The following NUSAP1 variants were observed in gnomAD, a reference collection of about 807,000 sequenced individuals.
The protein encoded by NUSAP1 is nucleolar and spindle-associated protein 1.
A neutral mutation model predicts 52.8 loss-of-function variants in NUSAP1; 32 were observed. The observed-to-expected ratio is 0.61, with a 90% CI of 0.46 to 0.81. NUSAP1 has a LOEUF of 0.81. Among genes scored for constraint, NUSAP1 ranks in the 40% least tolerant of loss-of-function variants. The pLI is 0.00. For synonymous variants in NUSAP1, 195 were observed against 183.1 expected (o/e 1.06, Z -0.52); for missense variants, 499 against 522.3 (o/e 0.96, Z 0.43).
chr15:41,353,798 C>A (rs1050335869), intron 4 of NUSAP1, among the ~76,000 whole-genome samples: 4 of 152,062 alleles, frequency 2.6e-5, no homozygotes, highest in African/African-American at 7.2e-5. Flanking sequence ...TGGTTTAACC[C>A]GCTACCTGTC....
At chr15:41,358,470 C>A (rs2049051469) in intron 6 of NUSAP1, among the ~76,000 whole-genome samples, 1 of 152,210 alleles carries the variant, frequency 6.6e-6, no homozygotes, top group South Asian at 2.1e-4. Flanking sequence ...AGCGCAGTGG[C>A]TCATGCCTGT....
At position 41,349,084 on chromosome 15, in the gene NUSAP1, A is replaced by G; in HGVS notation, c.163-14A>G. On this transcript the variant is annotated splice_polypyrimidine_tract_variant and intron_variant, in intron 2 of 10. Coordinates refer to ENST00000559596, the MANE Select transcript of NUSAP1 (RefSeq NM_016359.5). ...TAGACATAGCACATAGCAGATTAAT[A>G]CCTCTCTTTTCAGGATGAAAGTCAA... is the stretch of plus-strand genomic sequence containing the variant. 18 of 1,612,238 alleles carry G rather than the reference A, an allele frequency of 1.1e-5. No homozygotes were observed. Among genetic ancestry groups the G allele is most frequent in the Non-Finnish European group, 1.5e-5 (18 of 1,178,534 alleles).
chr15:41,336,654 T>TTGTTTTTTTTTTTTTGTTTG (rs1555426231), intron 1 of NUSAP1, among the ~76,000 whole-genome samples: 4 of 143,626 alleles, frequency 2.8e-5, no homozygotes, highest in Non-Finnish European at 6.1e-5. Flanking sequence ...TTTGGTTTTT[T>TTGTTTTTTTTTTTTTGTTTG]TTTTTTTTTT....
intron 2 of NUSAP1, among the ~76,000 whole-genome samples, chr15:41,347,964 T>G (rs2048642255): frequency 6.6e-6 from 1 of 151,358 alleles, no homozygotes; most frequent in African/African-American, 2.4e-5. Context: ...TTCTACAAAA[T>G]TAAAACAATT....
chr15:41,371,313 C>T (rs1394206548), intron 7 of NUSAP1, among the ~76,000 whole-genome samples: 1 of 152,162 alleles, frequency 6.6e-6, no homozygotes, highest in African/African-American at 2.4e-5. Context: ...AAGACAAGAA[C>T]ATATTTTACA....
chr15:41,364,762 G>C (rs756122749), intron 6 of NUSAP1, among the ~76,000 whole-genome samples: 1 of 152,060 alleles, frequency 6.6e-6, no homozygotes, highest in African/African-American at 2.4e-5. Flanking sequence ...CAGCTACTCA[G>C]AAGGCTAAGG....
rs149131418 is a variant in NUSAP1 at position 41,363,596 on chromosome 15, C to T, written c.661-1806C>T. On this transcript the variant is annotated intron_variant, in intron 6 of 10. Transcript: ENST00000559596. The stretch of plus-strand genomic sequence containing the variant: ...CTATGTTGTCCAGGCTGGTCTCAAA[C>T]TCCTAGGCTCAAGCGGTCCCCCCTC... Among the ~76,000 whole-genome samples, 5 of 152,196 alleles carry T rather than the reference C, an allele frequency of 3.3e-5. No homozygotes were observed. In the East Asian group the frequency reaches 9.7e-4, roughly 29 times the overall value.
At chr15:41,376,689 TA>T (rs1359108426) in intron 9 of NUSAP1, among the ~76,000 whole-genome samples, 1 of 150,816 alleles carries the variant, frequency 6.6e-6, no homozygotes, top group East Asian at 1.9e-4. Flanking sequence ...AGACTCTGTC[TA>T]AAAAATTTAA....
intron 6 of NUSAP1, among the ~76,000 whole-genome samples, chr15:41,360,954 C>T (rs1340851925): frequency 6.6e-6 from 1 of 152,068 alleles, no homozygotes; most frequent in Admixed American, 6.6e-5. Flanking sequence ...ATTACCTGGC[C>T]ATGGTGGTGG....
intron 4 of NUSAP1, among the ~76,000 whole-genome samples, chr15:41,353,021 G>A (rs2048834359): frequency 6.6e-6 from 1 of 152,126 alleles, no homozygotes; most frequent in African/African-American, 2.4e-5. Flanking sequence ...TTTTCCTATG[G>A]CTAGTCACGT....
chr15:41,368,794 G>A (rs1364367635), intron 7 of NUSAP1, among the ~76,000 whole-genome samples: 12 of 130,956 alleles, frequency 9.2e-5, no homozygotes, highest in South Asian at 2.5e-4. Context: ...GTGTGGTGGC[G>A]CAATCTCGGC....
intron 5 of NUSAP1, 46 bp from the exon 6 acceptor site, chr15:41,358,102 TA>T: frequency 1.2e-6 from 1 of 840,616 alleles, no homozygotes; most frequent in Non-Finnish European, 1.9e-6. Context: ...AGAAGATAAA[TA>T]AATGGATTTT....
intron 6 of NUSAP1, among the ~76,000 whole-genome samples, chr15:41,362,586 G>A (rs1288723721): frequency 4.0e-5 from 6 of 150,870 alleles, no homozygotes; most frequent in African/African-American, 4.9e-5. Flanking sequence ...CACCACACCC[G>A]GCTAATTTTT....
chr15:41,334,837 C>G (rs144614671), intron 1 of NUSAP1, among the ~76,000 whole-genome samples: 175 of 152,298 alleles, frequency 1.1e-3, no homozygotes, highest in African/African-American at 4.1e-3. Flanking sequence ...CGTGACCCAC[C>G]ACGCCTGGCC....
intron 1 of NUSAP1, among the ~76,000 whole-genome samples, chr15:41,336,937 A>G (rs1004619094): frequency 2.0e-5 from 3 of 150,922 alleles, no homozygotes; most frequent in Non-Finnish European, 4.4e-5. Context: ...AATAGATGCA[A>G]TCAACAGAAA....
At chr15:41,370,685 G>A (rs2049636122) in intron 7 of NUSAP1, among the ~76,000 whole-genome samples, 1 of 150,550 alleles carries the variant, frequency 6.6e-6, no homozygotes, top group African/African-American at 2.5e-5. Flanking sequence ...GGGAGGCAGA[G>A]GTTGCAGTGA....
chr15:41,350,541 G>A (rs1390410032), intron 3 of NUSAP1, among the ~76,000 whole-genome samples: 2 of 152,066 alleles, frequency 1.3e-5, no homozygotes, highest in African/African-American at 4.8e-5. Flanking sequence ...TGGCTATTTG[G>A]ACAGCGTTAT....
intron 7 of NUSAP1, among the ~76,000 whole-genome samples, chr15:41,366,644 A>G (rs1298338498): frequency 6.6e-6 from 1 of 152,180 alleles, no homozygotes; most frequent in South Asian, 2.1e-4. Flanking sequence ...TCCTGATTTC[A>G]TTGACTTGTC....
chr15:41,334,099 AT>A (rs140711980), intron 1 of NUSAP1, among the ~76,000 whole-genome samples: 12,793 of 148,478 alleles, frequency 0.086, 691 homozygotes, highest in East Asian at 0.16. Context: ...AATCGTCACA[AT>A]TTTTTTTTTA....
Sources: gnomAD v4.1 joint callset for allele counts (sites outside exome capture counted in the v4.1 genomes callset) on GRCh38, gnomAD v4.1.1 for gene constraint, MANE v1.5 for transcripts, NCBI Gene and HGNC (gene_info 2026-07-23, HGNC 2026-07-21) for gene names.